The following HS6ST1 variants were observed in gnomAD, a reference collection of about 807,000 sequenced individuals.
HS6ST1 encodes the protein heparan sulfate 6-O-sulfotransferase 1.
HS6ST1 carries 3 observed loss-of-function variants against 25.2 expected under a neutral mutation model. That is an observed-to-expected ratio of 0.12 (90% confidence interval 0.05 to 0.31). The LOEUF is 0.31. Among genes scored for constraint, HS6ST1 ranks in the 10% least tolerant of loss-of-function variants. The pLI is 1.00. For synonymous variants in HS6ST1, 204 were observed against 275.1 expected (o/e 0.74, Z 2.56); for missense variants, 310 against 609.6 (o/e 0.51, Z 5.18).
chr2:128,290,449 C>T (rs1044580188), intron 1 of HS6ST1, among the ~76,000 whole-genome samples: 2 of 152,006 alleles, frequency 1.3e-5, no homozygotes, highest in Non-Finnish European at 2.9e-5. Context: ...AATATAGATA[C>T]AAAAATTCCT....
chr2:128,304,492 G>A (rs966299338), intron 1 of HS6ST1, among the ~76,000 whole-genome samples: 1 of 152,230 alleles, frequency 6.6e-6, no homozygotes, highest in Non-Finnish European at 1.5e-5. Flanking sequence ...ACAAGTACCT[G>A]TCACAGACTG....
chr2:128,314,217 G>A (rs1374968252), intron 1 of HS6ST1, among the ~76,000 whole-genome samples: 1 of 152,082 alleles, frequency 6.6e-6, no homozygotes, highest in Non-Finnish European at 1.5e-5. Context: ...AGAAACGAAG[G>A]CTCTCATCCA....
chr2:128,285,638 AG>A, intron 1 of HS6ST1, among the ~76,000 whole-genome samples: 1 of 152,186 alleles, frequency 6.6e-6, no homozygotes, highest in Non-Finnish European at 1.5e-5. Flanking sequence ...GCTCGAGGAA[AG>A]GCCCGTCTGT....
At chr2:128,316,097 G>T (rs1694359014) in intron 1 of HS6ST1, among the ~76,000 whole-genome samples, 1 of 152,228 alleles carries the variant, frequency 6.6e-6, no homozygotes, top group Non-Finnish European at 1.5e-5. Flanking sequence ...GGCAGGGGGA[G>T]CCGGGCCTTC....
chr2:128,318,429 G>A lies in HS6ST1; in HGVS notation c.135C>T (p.Pro45=), dbSNP rs1286359033. The change falls in exon 1 of 2, where the codon CCC becomes CCT. Residue 45 remains proline, a synonymous_variant. Coordinates refer to ENST00000259241, the MANE Select transcript of HS6ST1 (RefSeq NM_004807.3). The surrounding 1 kb of genome is among the most constrained non-coding windows in gnomAD (Gnocchi z 5.7). The stretch of plus-strand genomic sequence containing the variant: ...GGTCGTCGGGCGGCGCGCGGCCGCC[G>A]GGCGCGCCCAGGCTCAGTCCTGGGC... The part of the protein sequence containing the change: ...YAGPGLSLGA[P]GGRAPPDDLD... The A allele has an allele frequency of 2.5e-6, 4 of 1,595,000 alleles. No individual in the cohort carries two copies. Among genetic ancestry groups the A allele is most frequent in the Non-Finnish European group, 3.4e-6 (4 of 1,172,702 alleles).
chr2:128,300,857 C>T (rs1183033016), intron 1 of HS6ST1, among the ~76,000 whole-genome samples: 6 of 152,238 alleles, frequency 3.9e-5, no homozygotes, highest in African/African-American at 7.2e-5. Context: ...CCCCACACCC[C>T]GTCTGAGCCT....
chr2:128,317,092 T>C (rs1432232261), intron 1 of HS6ST1, among the ~76,000 whole-genome samples: 7 of 152,240 alleles, frequency 4.6e-5, no homozygotes, highest in Admixed American at 1.3e-4. Context: ...AGGGCATCCC[T>C]GCAGGACGAA....
At chr2:128,317,545 C>T (rs1694391404) in intron 1 of HS6ST1, among the ~76,000 whole-genome samples, 1 of 152,244 alleles carries the variant, frequency 6.6e-6, no homozygotes, top group Non-Finnish European at 1.5e-5. Flanking sequence ...TGGCAGCTCC[C>T]CCACCCTCTG....
In HS6ST1 at chr2:128,303,372, G is replaced by T. The variant is rs546283912; in HGVS notation, c.527+14665C>A. 6.6e-5 allele frequency among the ~76,000 whole-genome samples: 10 copies of T among 152,374 alleles called. No homozygotes were observed. The South Asian group carries it at 1.9e-3, about 28-fold the overall frequency. On this transcript the variant is annotated intron_variant, in intron 1 of 1. Coordinates refer to ENST00000259241, the MANE Select transcript of HS6ST1 (RefSeq NM_004807.3). ...CAACACCCATGGGGCCACCCTGAGG[G>T]CTGAGGACAGCTCTATGTAGTGCCT...
At chr2:128,289,562 C>T (rs1693920619) in intron 1 of HS6ST1, 1 of 152,250 alleles carries the variant, frequency 6.6e-6, no homozygotes, top group African/African-American at 2.4e-5. Flanking sequence ...CCCAGGAGAA[C>T]CCGGCGCGCC....
In HS6ST1 at chr2:128,266,271, C is replaced by G. The variant is rs1314592934; in HGVS notation, c.*1891G>C. 6.6e-6 allele frequency: 1 copy of G among 152,296 alleles called. No individual in the cohort carries two copies. The highest frequency in any genetic ancestry group is 1.5e-5 in the Non-Finnish European group (1 of 68,072). The allele number at this position is 152,296 out of a possible 1,614,324, so 9.4% of individuals were successfully genotyped here. A position where few individuals can be genotyped will look rare whatever the true frequency, so the allele number is the denominator to read the frequency against. ...CGTGTTCCTCCTCCTCCAAGGAGTGCACCCACCCCCATGTTGAGTGTCCGA... is the reference window on the plus strand; with the variant it reads ...CGTGTTCCTCCTCCTCCAAGGAGTGGACCCACCCCCATGTTGAGTGTCCGA... On this transcript the variant is annotated 3_prime_UTR_variant, in exon 2 of 2. Coordinates refer to ENST00000259241, the MANE Select transcript of HS6ST1 (RefSeq NM_004807.3).
intron 1 of HS6ST1, among the ~76,000 whole-genome samples, chr2:128,299,185 G>T (rs1182920004): frequency 3.3e-5 from 5 of 152,230 alleles, no homozygotes; most frequent in Admixed American, 2.6e-4. Flanking sequence ...CTGCCATGCA[G>T]CAGAGAGCAC....
chr2:128,304,275 C>A (rs902691399), intron 1 of HS6ST1, among the ~76,000 whole-genome samples: 1 of 152,250 alleles, frequency 6.6e-6, no homozygotes, highest in Non-Finnish European at 1.5e-5. Context: ...CCCTCCCCGA[C>A]CCCTACGCTG....
intron 1 of HS6ST1, among the ~76,000 whole-genome samples, chr2:128,307,107 A>G (rs1694224604): frequency 6.6e-6 from 1 of 152,030 alleles, no homozygotes; most frequent in African/African-American, 2.4e-5. Context: ...GTTTCCTTCC[A>G]ACTCAATCTC....
chr2:128,292,905 G>A (rs371848040), intron 1 of HS6ST1, among the ~76,000 whole-genome samples: 1 of 152,088 alleles, frequency 6.6e-6, no homozygotes, highest in Admixed American at 6.5e-5. Flanking sequence ...GGAAGGCAGC[G>A]GTCGGGGAGA....
At chr2:128,282,984 G>A (rs1190401913) in intron 1 of HS6ST1, among the ~76,000 whole-genome samples, 1 of 152,164 alleles carries the variant, frequency 6.6e-6, no homozygotes, top group Non-Finnish European at 1.5e-5. Context: ...CATCCTCACT[G>A]CCAGGGGGCT....
intron 1 of HS6ST1, among the ~76,000 whole-genome samples, chr2:128,293,295 C>G (rs13384668): frequency 0.2 from 30,540 of 152,248 alleles, 3,212 homozygotes; most frequent in Non-Finnish European, 0.22. Flanking sequence ...CATAAGCCTG[C>G]CCAAGGGCCA....
At position 128,267,915 on chromosome 2, in the gene HS6ST1, C is replaced by T. The variant is rs34162250; in HGVS notation, c.*247G>A. 1.7e-6 allele frequency: 1 copy of T among 595,840 alleles called. No individual in the cohort carries two copies. The highest frequency in any genetic ancestry group is 1.9e-5 in the African/African-American group (1 of 53,736). The allele number at this position is 595,840 out of a possible 1,614,324, so 36.9% of individuals were successfully genotyped here. A position where few individuals can be genotyped will look rare whatever the true frequency, so the allele number is the denominator to read the frequency against. ...CAGGCACAACACCTGCTCTGGAGGC[C>T]CTGCCCTGACCATGGCATCCTTCGA... On this transcript the variant is annotated 3_prime_UTR_variant, in exon 2 of 2. Transcript: ENST00000259241.
chr2:128,271,755 A>G (rs1485830585), intron 1 of HS6ST1, among the ~76,000 whole-genome samples: 2 of 152,206 alleles, frequency 1.3e-5, no homozygotes, highest in Non-Finnish European at 2.9e-5. Flanking sequence ...CCTGGCCTGC[A>G]GTGACGGGTG....
Sources: allele counts gnomAD v4.1 joint callset (sites outside exome capture counted in the v4.1 genomes callset), GRCh38; gene constraint gnomAD v4.1.1; non-coding constraint Gnocchi (gnomAD v3.1); transcripts MANE v1.5; gene names NCBI Gene and HGNC (gene_info 2026-07-23, HGNC 2026-07-21).